DLG2: variants seen among roughly 807,000 people sequenced by gnomAD.
DLG2 encodes the protein discs large MAGUK scaffold protein 2, also known as disks large homolog 2.
A neutral mutation model predicts 132.5 loss-of-function variants in DLG2; 45 were observed. That is an observed-to-expected ratio of 0.34 (90% confidence interval 0.27 to 0.44). DLG2 has a LOEUF of 0.44. Among genes scored for constraint, DLG2 ranks in the 20% least tolerant of loss-of-function variants. The probability of loss-of-function intolerance (pLI) is 1.00; values close to 1 mark genes in which losing one functional copy is unlikely to be tolerated. For missense variants in DLG2, 1,045 were observed against 1,196.9 expected (o/e 0.87, Z 1.87); for synonymous variants, 424 against 419.6 (o/e 1.01, Z -0.13).
rs532787833 is a variant in DLG2, at chr11:84,707,805, G to A, written c.358-173074C>T. Among the ~76,000 whole-genome samples, 3 of 151,906 alleles carry A rather than the reference G, an allele frequency of 2.0e-5. No homozygotes were observed. The East Asian group carries it at 5.8e-4, about 30-fold the overall frequency. ...TGACTAGGTAACATGCACTCATTTT[G>A]ATCATACAAATATATAAATAAAAAC... On this transcript the variant is annotated intron_variant, in intron 6 of 27. Coordinates refer to ENST00000376104, the MANE Select transcript of DLG2 (RefSeq NM_001142699.3).
chr11:84,257,264 T>C (rs2097488189), intron 7 of DLG2, among the ~76,000 whole-genome samples: 1 of 152,174 alleles, frequency 6.6e-6, no homozygotes, highest in African/African-American at 2.4e-5. Flanking sequence ...TTTCCTCTCC[T>C]TCTTTTCCAC....
At chr11:85,070,671 C>G (rs2065711035) in intron 6 of DLG2, among the ~76,000 whole-genome samples, 1 of 151,814 alleles carries the variant, frequency 6.6e-6, no homozygotes, top group Non-Finnish European at 1.5e-5. Flanking sequence ...TATTTTACTA[C>G]AAAGACTGTG....
intron 8 of DLG2, among the ~76,000 whole-genome samples, chr11:84,211,140 T>C (rs899951504): frequency 2.0e-5 from 3 of 152,188 alleles, no homozygotes; most frequent in African/African-American, 7.2e-5. Context: ...CACTGGAGCA[T>C]AAACTACTGT....
At chr11:84,313,376 A>C (rs2098312107) in intron 7 of DLG2, among the ~76,000 whole-genome samples, 1 of 151,884 alleles carries the variant, frequency 6.6e-6, no homozygotes, top group Non-Finnish European at 1.5e-5. Context: ...CTGCCTCCCA[A>C]GTGCTGGGAT....
chr11:85,254,850 A>C (rs1252324212), intron 4 of DLG2, among the ~76,000 whole-genome samples: 2 of 151,968 alleles, frequency 1.3e-5, no homozygotes, highest in African/African-American at 4.8e-5. Flanking sequence ...AATACAAAAA[A>C]ATTAATTAGG....
rs529700030 is a variant in DLG2, at chr11:85,099,171, C to T, written c.357+12490G>A. On this transcript the variant is annotated intron_variant, in intron 6 of 27. Transcript: ENST00000376104. ...TGCAGAGCTCCTGCGTAGCTGGAGG[C>T]TGCTTCATGAAGTTTGGCACTGAGT... Among the ~76,000 whole-genome samples, 25 of 152,318 alleles carry T rather than the reference C, an allele frequency of 1.6e-4. 1 individual carries two copies. The highest frequency in any genetic ancestry group is 5.8e-4 in the African/African-American group (24 of 41,572).
intron 6 of DLG2, among the ~76,000 whole-genome samples, chr11:85,028,578 G>A (rs2060742743): frequency 6.6e-6 from 1 of 152,174 alleles, no homozygotes; most frequent in Non-Finnish European, 1.5e-5. Context: ...GGGGGCTGAG[G>A]GGGCAGAGGG....
chr11:84,395,829 G>A (rs1486835666), intron 7 of DLG2, among the ~76,000 whole-genome samples: 3 of 152,106 alleles, frequency 2.0e-5, no homozygotes. Flanking sequence ...AAAATATATT[G>A]TATCCAACAT....
At chr11:83,748,963 C>G (rs2093116299) in intron 18 of DLG2, among the ~76,000 whole-genome samples, 1 of 152,146 alleles carries the variant, frequency 6.6e-6, no homozygotes, top group Non-Finnish European at 1.5e-5. Flanking sequence ...AAACATTTTT[C>G]ATACTCTAAC....
At chr11:85,335,605 T>G (rs1014489277) in intron 3 of DLG2, among the ~76,000 whole-genome samples, 3 of 152,240 alleles carry the variant, frequency 2.0e-5, no homozygotes, top group African/African-American at 4.8e-5. Flanking sequence ...AGAGGCCTTA[T>G]AGTAATGAAT....
At chr11:84,100,528 C>T (rs1319549182) in intron 9 of DLG2, among the ~76,000 whole-genome samples, 2 of 151,588 alleles carry the variant, frequency 1.3e-5, no homozygotes, top group Non-Finnish European at 2.9e-5. Context: ...TTCTGTATAG[C>T]TAGGCAGTCT....
In DLG2 at chr11:84,098,907, T is replaced by C. The variant is rs2092131988; in HGVS notation, c.749+16A>G. On this transcript the variant is annotated intron_variant, in intron 10 of 27. Transcript: ENST00000376104. ...AGATTTACTTTCAAAATCATTCTAA[T>C]GTTTCAGATCTTTACCTGAGTCTGC... The C allele has an allele frequency of 6.2e-7, 1 of 1,611,154 alleles. No individual in the cohort carries two copies. The highest frequency in any genetic ancestry group is 2.2e-5 in the East Asian group (1 of 44,780).
At chr11:85,317,186 A>C (rs2080742850) in intron 3 of DLG2, among the ~76,000 whole-genome samples, 1 of 152,018 alleles carries the variant, frequency 6.6e-6, no homozygotes. Context: ...AGAGAAAGCC[A>C]GTGTGGCGTG....
At chr11:84,094,802 G>T (rs1434121969) in intron 10 of DLG2, among the ~76,000 whole-genome samples, 1 of 152,078 alleles carries the variant, frequency 6.6e-6, no homozygotes, top group African/African-American at 2.4e-5. Context: ...ATTTTGGGAG[G>T]ATACAAATAT....
chr11:84,033,336 A>C (rs2095763108), intron 11 of DLG2, among the ~76,000 whole-genome samples: 1 of 152,194 alleles, frequency 6.6e-6, no homozygotes, highest in South Asian at 2.1e-4. Context: ...GATGACTTTG[A>C]AGAATTCAAG....
intron 7 of DLG2, among the ~76,000 whole-genome samples, chr11:84,512,753 G>C (rs192206038): frequency 6.6e-6 from 1 of 151,660 alleles, no homozygotes; most frequent in Non-Finnish European, 1.5e-5. Context: ...AGACAACCAA[G>C]AATAATGGGT....
intron 6 of DLG2, among the ~76,000 whole-genome samples, chr11:84,680,988 G>T (rs964596829): frequency 6.6e-5 from 10 of 152,074 alleles, no homozygotes; most frequent in Non-Finnish European, 1.2e-4. Context: ...TCAACTATGT[G>T]CCAGGCATTA....
intron 18 of DLG2, among the ~76,000 whole-genome samples, chr11:83,669,505 A>T (rs188916498): frequency 3.9e-5 from 6 of 152,334 alleles, no homozygotes; most frequent in African/African-American, 1.4e-4. Flanking sequence ...CTCACAAAAG[A>T]ATACAACCCT....
intron 6 of DLG2, among the ~76,000 whole-genome samples, chr11:84,969,544 G>A (rs150114212): frequency 3.9e-5 from 6 of 152,208 alleles, no homozygotes; most frequent in African/African-American, 9.6e-5. Context: ...GGGGAGTTCC[G>A]TTTATTTTTC....
Sources: allele counts gnomAD v4.1 joint callset (sites outside exome capture counted in the v4.1 genomes callset), GRCh38; gene constraint gnomAD v4.1.1; transcripts MANE v1.5; gene names NCBI Gene and HGNC (gene_info 2026-07-23, HGNC 2026-07-21).